The following CD164 variants were observed in gnomAD, a reference collection of about 807,000 sequenced individuals.
CD164 encodes the protein CD164 molecule.
Under a neutral mutation model 24.6 loss-of-function variants are expected in CD164, and 11 were observed. The ratio of observed to expected loss-of-function variants is 0.45; its 90% CI spans 0.28 to 0.74. The LOEUF is 0.74. CD164 is among the 30% of genes least tolerant of loss of function. CD164 has a pLI of 0.13. For synonymous variants in CD164, 126 were observed against 100.3 expected (o/e 1.26, Z -1.53); for missense variants, 295 against 243.7 (o/e 1.21, Z -1.40).
intron 3 of CD164, 69 bp from the exon 4 acceptor site, chr6:109,376,181 T>A: frequency 9.0e-7 from 1 of 1,107,906 alleles, no homozygotes; most frequent in Non-Finnish European, 1.3e-6. Flanking sequence ...TCTATAACGC[T>A]AGTTCCTGAC....
Position 109,378,057 on chromosome 6 carries a change from C to A in CD164, c.260-86G>T, listed in dbSNP as rs1771520494. 6 of 1,138,492 alleles carry A rather than the reference C, an allele frequency of 5.3e-6. No individual in the cohort carries two copies. The Admixed American group carries it at 1.1e-4, about 21-fold the overall frequency. 70.5% of individuals were successfully genotyped at this position (1,138,492 alleles called of 1,614,324 possible). ...ACTCTGCTACTAAGCTCTATGAAAT[C>A]AAACCCAAACACTTTAGAAGTGGGC... is the stretch of plus-strand genomic sequence containing the variant. On this transcript the variant is annotated intron_variant, in intron 2 of 5. Transcript: ENST00000310786.
At chr6:109,379,454 T>G in intron 2 of CD164, 125 bp downstream of exon 2, 1 of 655,592 alleles carries the variant, frequency 1.5e-6, no homozygotes, top group Non-Finnish European at 2.6e-6. Flanking sequence ...TTTAAAGGAG[T>G]ACTGGATTTG....
chr6:109,371,960 C>T (rs1043196955), intron 4 of CD164: 16 of 152,118 alleles, frequency 1.1e-4, no homozygotes, highest in African/African-American at 3.4e-4. Context: ...GCTATGCAAA[C>T]ATTCATTTTT....
chr6:109,379,227 C>G (rs368576394), intron 2 of CD164, among the ~76,000 whole-genome samples: 1 of 152,120 alleles, frequency 6.6e-6, no homozygotes, highest in Admixed American at 6.5e-5. Context: ...TTAAAAAAAG[C>G]CAGGTGAGGA....
At chr6:109,382,155 G>C in intron 1 of CD164, 49 bp downstream of exon 1, 1 of 1,415,548 alleles carries the variant, frequency 7.1e-7, no homozygotes, top group South Asian at 1.5e-5. Flanking sequence ...GAGGCAGTGC[G>C]GCTCGGCTGG....
At chr6:109,378,940 C>G (rs957927571) in intron 2 of CD164, among the ~76,000 whole-genome samples, 4 of 151,220 alleles carry the variant, frequency 2.6e-5, no homozygotes. Flanking sequence ...AGTGCAACCA[C>G]TTTACATTAA....
Position 109,377,981 on chromosome 6 carries a change from G to A in CD164, c.260-10C>T, listed in dbSNP as rs767293168. ...GAACAATAGCTCTCATCTGTTGGGGGGCAGGGGAAAAGAGACAAACAGCAT... is the reference window on the plus strand; with the variant it reads ...GAACAATAGCTCTCATCTGTTGGGGAGCAGGGGAAAAGAGACAAACAGCAT... On this transcript the variant is annotated splice_polypyrimidine_tract_variant and intron_variant, in intron 2 of 5. Transcript: ENST00000310786. The A allele has an allele frequency of 6.2e-7, 1 of 1,610,682 alleles. No individual in the cohort carries two copies. The highest frequency in any genetic ancestry group is 1.1e-5 in the South Asian group (1 of 91,000).
At chr6:109,381,457 T>C (rs1446550879) in intron 1 of CD164, 1 of 700,476 alleles carries the variant, frequency 1.4e-6, no homozygotes. Flanking sequence ...TCAGGAGAGT[T>C]TACTCATCTC....
Position 109,376,178 on chromosome 6 carries a change from C to T in CD164, c.332-66G>A, listed in dbSNP as rs780743213. On this transcript the variant is annotated intron_variant, in intron 3 of 5. Coordinates refer to ENST00000310786, the MANE Select transcript of CD164 (RefSeq NM_006016.6). ...CTATTTAAAATATCACAATCTATAA[C>T]GCTAGTTCCTGACCTGCAATCATTT... 5.5e-5 allele frequency: 63 copies of T among 1,136,468 alleles called. No homozygotes were observed. The African/African-American group carries it at 5.8e-4, about 10-fold the overall frequency. 70.4% of individuals were successfully genotyped at this position (1,136,468 alleles called of 1,614,324 possible).
At chr6:109,371,631 A>C (rs1178921309) in intron 4 of CD164, 1 of 153,804 alleles carries the variant, frequency 6.5e-6, no homozygotes, top group Non-Finnish European at 1.5e-5. Context: ...AAGGATGTGA[A>C]TATAGTTTCT....
intron 4 of CD164, among the ~76,000 whole-genome samples, chr6:109,375,438 G>A (rs565051074): frequency 2.0e-4 from 30 of 151,928 alleles, no homozygotes; most frequent in Non-Finnish European, 2.9e-4. Flanking sequence ...CCAATGTGGT[G>A]AAACCGTGAC....
chr6:109,373,760 T>C (rs1034314022), intron 4 of CD164, among the ~76,000 whole-genome samples: 3 of 152,194 alleles, frequency 2.0e-5, no homozygotes, highest in Non-Finnish European at 2.9e-5. Flanking sequence ...TTCTAATGAG[T>C]GTTAAATATT....
rs771385128 is a variant in CD164 at position 109,382,418 on chromosome 6, C to T, written c.-40G>A. 3 of 1,470,002 alleles carry T rather than the reference C, an allele frequency of 2.0e-6. No individual in the cohort carries two copies. The highest frequency in any genetic ancestry group is 1.3e-5 in the South Asian group (1 of 76,858). The allele number at this position is 1,470,002 out of a possible 1,614,324, so 91.1% of individuals were successfully genotyped here. ...TGGCGTTCGGGAGAAAGCTAAGGCTCGCAACGCTCAGTCAACCCCTCAATC... is the reference window on the plus strand; with the variant it reads ...TGGCGTTCGGGAGAAAGCTAAGGCTTGCAACGCTCAGTCAACCCCTCAATC... On this transcript the variant is annotated 5_prime_UTR_variant, in exon 1 of 6. Transcript: ENST00000310786.
intron 2 of CD164, among the ~76,000 whole-genome samples, chr6:109,379,267 G>A (rs758772911): frequency 5.3e-5 from 8 of 152,224 alleles, no homozygotes; most frequent in Non-Finnish European, 1.2e-4. Context: ...GGCTACTAGG[G>A]AGGCCAAGGT....
chr6:109,378,778 G>T (rs1771566916), intron 2 of CD164, among the ~76,000 whole-genome samples: 2 of 151,640 alleles, frequency 1.3e-5, no homozygotes. Context: ...AGTTAATTTG[G>T]CCCAATTTAG....
chr6:109,375,586 C>T (rs1363344834), intron 4 of CD164, among the ~76,000 whole-genome samples: 1 of 141,720 alleles, frequency 7.1e-6, no homozygotes, highest in Non-Finnish European at 1.5e-5. Flanking sequence ...CACTGCACTC[C>T]AGCCTGAGCG....
At chr6:109,379,133 T>C (rs1771590013) in intron 2 of CD164, among the ~76,000 whole-genome samples, 1 of 152,208 alleles carries the variant, frequency 6.6e-6, no homozygotes. Context: ...TTATATTTCA[T>C]GTTGCAGGAC....
chr6:109,375,454 T>TA (rs1045592544), intron 4 of CD164, among the ~76,000 whole-genome samples: 23 of 151,462 alleles, frequency 1.5e-4, no homozygotes, highest in African/African-American at 4.1e-4. Context: ...GTGACTCTAC[T>TA]AAAAAAACAA....
At chr6:109,379,736 C>A (rs1771628984) in intron 1 of CD164, 74 bp from the exon 2 acceptor site, 1 of 1,126,870 alleles carries the variant, frequency 8.9e-7, no homozygotes, top group South Asian at 1.3e-5. Flanking sequence ...TATTACTTAT[C>A]TTTTTGAACA....
Sources: gnomAD v4.1 joint callset for allele counts (sites outside exome capture counted in the v4.1 genomes callset) on GRCh38, gnomAD v4.1.1 for gene constraint, MANE v1.5 for transcripts, NCBI Gene and HGNC (gene_info 2026-07-23, HGNC 2026-07-21) for gene names.